Variants in ARMC8 observed in about 807,000 individuals in gnomAD.
The protein encoded by ARMC8 is armadillo repeat containing 8, also known as armadillo repeat-containing protein 8.
ARMC8 carries 20 observed loss-of-function variants against 99.3 expected under a neutral mutation model. That is an observed-to-expected ratio of 0.20 (90% CI 0.14 to 0.29). ARMC8 has a LOEUF of 0.29. Among genes scored for constraint, ARMC8 ranks in the 10% least tolerant of loss-of-function variants. ARMC8 has a pLI of 1.00. For missense variants in ARMC8, 569 were observed against 809.5 expected, an observed-to-expected ratio of 0.70 and a Z score of 3.60; for synonymous variants, 263 against 278.3, an observed-to-expected ratio of 0.95 and a Z score of 0.55.
At chr3:138,246,554 G>A in intron 12 of ARMC8, 11 of 985,566 alleles carry the variant, frequency 1.1e-5, no homozygotes, top group Non-Finnish European at 1.3e-5. Flanking sequence ...GTTTAGGATG[G>A]TTATTAGGGC....
chr3:138,287,222 C>T (rs1391233750), intron 19 of ARMC8, among the ~76,000 whole-genome samples: 1 of 152,220 alleles, frequency 6.6e-6, no homozygotes, highest in Non-Finnish European at 1.5e-5. Context: ...AATCCAGAGT[C>T]CTTACTGTGG....
intron 16 of ARMC8, among the ~76,000 whole-genome samples, chr3:138,270,440 C>T (rs2048683476): frequency 6.6e-6 from 1 of 152,134 alleles, no homozygotes; most frequent in Non-Finnish European, 1.5e-5. Context: ...TGTAGCGCCA[C>T]CTACTTTACA....
Position 138,241,764 on chromosome 3 carries a change from T to G in ARMC8, c.838-19T>G. On this transcript the variant is annotated intron_variant, in intron 10 of 21. Coordinates refer to ENST00000469044, the MANE Select transcript of ARMC8 (RefSeq NM_001363941.2). ...TTACCTTTACCAAAAAGCAAATAAT[T>G]AATCTCACTACCTTTCAGACATTAC... The G allele has an allele frequency of 6.2e-7, 1 of 1,612,498 alleles. No homozygotes were observed. Among genetic ancestry groups the G allele is most frequent in the South Asian group, 1.1e-5 (1 of 90,928 alleles).
intron 6 of ARMC8, among the ~76,000 whole-genome samples, chr3:138,231,051 G>C (rs1455041519): frequency 6.6e-6 from 1 of 152,110 alleles, no homozygotes; most frequent in African/African-American, 2.4e-5. Context: ...CTTTTAATTG[G>C]ATAAGTTAGC....
At chr3:138,191,994 C>A (rs1258890576) in intron 1 of ARMC8, among the ~76,000 whole-genome samples, 1 of 152,142 alleles carries the variant, frequency 6.6e-6, no homozygotes, top group African/African-American at 2.4e-5. Context: ...CTTTTCATAT[C>A]TCTGAGCTAA....
chr3:138,235,254 T>C (rs1305386255), intron 7 of ARMC8, 140 bp downstream of exon 7: 1 of 613,184 alleles, frequency 1.6e-6, no homozygotes, highest in East Asian at 2.9e-5. Flanking sequence ...GGCATCATTT[T>C]AGCTATAGAA....
chr3:138,236,376 C>T (rs1226023191), intron 7 of ARMC8, among the ~76,000 whole-genome samples: 1 of 152,204 alleles, frequency 6.6e-6, no homozygotes, highest in Non-Finnish European at 1.5e-5. Flanking sequence ...TACTTCATCT[C>T]CTCTAGCTTC....
intron 18 of ARMC8, among the ~76,000 whole-genome samples, chr3:138,274,825 G>A (rs1415568422): frequency 6.6e-6 from 1 of 152,104 alleles, no homozygotes; most frequent in Non-Finnish European, 1.5e-5. Flanking sequence ...CATCATCCTG[G>A]AATGAATCCT....
At chr3:138,215,242 A>G (rs935787067) in intron 2 of ARMC8, among the ~76,000 whole-genome samples, 27 of 151,394 alleles carry the variant, frequency 1.8e-4, no homozygotes, top group African/African-American at 6.3e-4. Flanking sequence ...TTTGAGGTGG[A>G]GTCTCACTCT....
At chr3:138,277,288 A>G (rs1203876746) in intron 18 of ARMC8, among the ~76,000 whole-genome samples, 1 of 152,218 alleles carries the variant, frequency 6.6e-6, no homozygotes, top group East Asian at 1.9e-4. Context: ...CATAAAAGGT[A>G]AAACTATAAA....
intron 19 of ARMC8, among the ~76,000 whole-genome samples, chr3:138,286,047 G>A (rs911406930): frequency 9.9e-5 from 15 of 152,108 alleles, no homozygotes; most frequent in African/African-American, 3.6e-4. Context: ...AGGTTCAAGC[G>A]ATTCTCCTGC....
intron 1 of ARMC8, among the ~76,000 whole-genome samples, chr3:138,189,166 C>A (rs981647106): frequency 3.3e-5 from 5 of 152,054 alleles, no homozygotes; most frequent in Admixed American, 6.6e-5. Flanking sequence ...ATTTGTTTCA[C>A]TTCCTTGGTA....
At chr3:138,263,922 C>T (rs2108265466) in intron 13 of ARMC8, 101 bp downstream of exon 13, 2 of 1,162,050 alleles carry the variant, frequency 1.7e-6, no homozygotes, top group South Asian at 2.5e-5. Context: ...AAATGTTCCT[C>T]AAAAATCTGC....
intron 1 of ARMC8, among the ~76,000 whole-genome samples, chr3:138,194,111 C>T (rs1323254356): frequency 2.0e-5 from 3 of 151,306 alleles, no homozygotes; most frequent in Non-Finnish European, 2.9e-5. Flanking sequence ...GGCGCGACCT[C>T]AGCTCACTGC....
intron 6 of ARMC8, among the ~76,000 whole-genome samples, chr3:138,229,232 ACAAAT>A (rs1307312959): frequency 7.0e-6 from 1 of 142,922 alleles, no homozygotes; most frequent in Non-Finnish European, 1.5e-5. Flanking sequence ...TATTTAAAAC[ACAAAT>A]GACAGCATAC....
At chr3:138,216,802 A>G (rs2045071661) in intron 2 of ARMC8, among the ~76,000 whole-genome samples, 1 of 152,206 alleles carries the variant, frequency 6.6e-6, no homozygotes, top group African/African-American at 2.4e-5. Context: ...TAATTAGACC[A>G]GAAATACACA....
intron 5 of ARMC8, among the ~76,000 whole-genome samples, chr3:138,225,142 C>G (rs1255097572): frequency 7.8e-6 from 1 of 128,686 alleles, no homozygotes; most frequent in African/African-American, 2.9e-5. Flanking sequence ...GACGGTGTCT[C>G]TCTCACCGAG....
At chr3:138,274,040 A>G (rs1005408431) in intron 17 of ARMC8, among the ~76,000 whole-genome samples, 1 of 151,486 alleles carries the variant, frequency 6.6e-6, no homozygotes, top group African/African-American at 2.4e-5. Context: ...CTGGTCTCGA[A>G]CTCCTGCCCT....
chr3:138,295,992 G>A lies in ARMC8; in HGVS notation c.*100G>A, dbSNP rs927730467. On this transcript the variant is annotated 3_prime_UTR_variant, in exon 22 of 22. Transcript: ENST00000469044. ...TCCTTCTATTTGCACAAGTCACCTT[G>A]GACTGCAGGGAGCTGTTTTGCAAAA... The A allele has an allele frequency of 2.3e-6, 3 of 1,288,904 alleles. No individual in the cohort carries two copies. Among genetic ancestry groups the A allele is most frequent in the African/African-American group, 3.0e-5 (2 of 67,284 alleles). 79.8% of individuals were successfully genotyped at this position (1,288,904 alleles called of 1,614,324 possible).
Sources: allele counts gnomAD v4.1 joint callset (sites outside exome capture counted in the v4.1 genomes callset), GRCh38; gene constraint gnomAD v4.1.1; transcripts MANE v1.5; gene names NCBI Gene and HGNC (gene_info 2026-07-23, HGNC 2026-07-21).